F13A1: variants seen among roughly 807,000 people sequenced by gnomAD.
F13A1 encodes FSF, A subunit.
F13A1 carries 47 observed loss-of-function variants against 80.1 expected under a neutral mutation model. The observed-to-expected ratio is 0.59, with a 90% CI of 0.46 to 0.75. The LOEUF (loss-of-function observed/expected upper bound fraction) is 0.75, where lower values mean the gene tolerates loss of function less well. Among genes scored for constraint, F13A1 ranks in the 30% least tolerant of loss-of-function variants. F13A1 has a pLI of 0.00. For missense variants in F13A1, 817 were observed against 930.4 expected (o/e 0.88, Z 1.59); for synonymous variants, 349 against 344.9 (o/e 1.01, Z -0.13).
intron 10 of F13A1, among the ~76,000 whole-genome samples, chr6:6,194,327 T>C (rs561654767): frequency 1.3e-5 from 2 of 152,268 alleles, no homozygotes; most frequent in African/African-American, 4.8e-5. Context: ...GATGCATCCT[T>C]GGCGTTCTAG....
intron 13 of F13A1, among the ~76,000 whole-genome samples, chr6:6,161,157 C>T (rs981174685): frequency 4.6e-5 from 7 of 152,080 alleles, no homozygotes; most frequent in South Asian, 2.1e-4. Context: ...ATCTCCAAGG[C>T]GGGCCTCCCT....
At chr6:6,247,717 G>A (rs1757573592) in intron 6 of F13A1, among the ~76,000 whole-genome samples, 1 of 152,210 alleles carries the variant, frequency 6.6e-6, no homozygotes, top group Non-Finnish European at 1.5e-5. Flanking sequence ...TCTAGCTGTG[G>A]CTTTGTCACT....
chr6:6,248,479 C>T (rs550616493), intron 5 of F13A1, 60 bp from the exon 6 acceptor site: 19 of 1,348,142 alleles, frequency 1.4e-5, no homozygotes, highest in Middle Eastern at 1.8e-4. Context: ...AAAATATTCT[C>T]TGATGAAAAA....
intron 10 of F13A1, 59 bp from the exon 11 acceptor site, chr6:6,182,200 TTAAC>T (rs1179976209): frequency 6.3e-7 from 1 of 1,591,624 alleles, no homozygotes; most frequent in Non-Finnish European, 8.6e-7. Flanking sequence ...GCCAAAGTCT[TTAAC>T]TGTCCATAGA....
At chr6:6,236,299 A>G (rs1757413015) in intron 6 of F13A1, among the ~76,000 whole-genome samples, 1 of 152,170 alleles carries the variant, frequency 6.6e-6, no homozygotes, top group Non-Finnish European at 1.5e-5. Flanking sequence ...TTTATTGTCA[A>G]CTATATCTCA....
At chr6:6,258,153 TA>T (rs767843004) in intron 4 of F13A1, among the ~76,000 whole-genome samples, 7 of 152,166 alleles carry the variant, frequency 4.6e-5, no homozygotes, top group Non-Finnish European at 8.8e-5. Flanking sequence ...GTTTTAAAAA[TA>T]TAAGTGCTTA....
chr6:6,306,565 ATCCTAACTCCCTG>A (rs1758515320), intron 2 of F13A1, among the ~76,000 whole-genome samples: 1 of 152,196 alleles, frequency 6.6e-6, no homozygotes, highest in South Asian at 2.1e-4. Context: ...AGTGGGGGTC[ATCCTAACTCCCTG>A]TCCTCACTGT....
chr6:6,256,437 G>A (rs1757704495), intron 4 of F13A1, among the ~76,000 whole-genome samples: 1 of 152,164 alleles, frequency 6.6e-6, no homozygotes, highest in African/African-American at 2.4e-5. Flanking sequence ...ATTGGTGAGT[G>A]TGACACAGCA....
intron 12 of F13A1, among the ~76,000 whole-genome samples, chr6:6,168,514 C>T (rs1419420727): frequency 6.6e-6 from 1 of 152,164 alleles, no homozygotes; most frequent in African/African-American, 2.4e-5. Context: ...GAGCCAGATG[C>T]CTGTATGTGC....
chr6:6,300,890 A>T (rs1169856621), intron 3 of F13A1, among the ~76,000 whole-genome samples: 1 of 151,982 alleles, frequency 6.6e-6, no homozygotes, highest in African/African-American at 2.4e-5. Flanking sequence ...ATGTTTAGAC[A>T]TTTAGCTGAT....
At chr6:6,242,214 A>G (rs1158922780) in intron 6 of F13A1, among the ~76,000 whole-genome samples, 1 of 152,196 alleles carries the variant, frequency 6.6e-6, no homozygotes, top group Admixed American at 6.6e-5. Flanking sequence ...TTCATCTTGT[A>G]CTGTGTCCTA....
intron 12 of F13A1, among the ~76,000 whole-genome samples, chr6:6,169,781 T>C (rs1760740360): frequency 6.6e-6 from 1 of 152,212 alleles, no homozygotes; most frequent in Admixed American, 6.5e-5. Context: ...ATAATGTCAA[T>C]GGTGCTGAAA....
intron 4 of F13A1, among the ~76,000 whole-genome samples, chr6:6,256,930 A>G (rs564114336): frequency 6.6e-6 from 1 of 152,322 alleles, no homozygotes; most frequent in South Asian, 2.1e-4. Flanking sequence ...AGAACAGCTA[A>G]CCTACATGGT....
Position 6,281,045 on chromosome 6 carries a change from A to G in F13A1, c.320-14236T>C, listed in dbSNP as rs1029262453. On this transcript the variant is annotated intron_variant, in intron 3 of 14. Coordinates refer to ENST00000264870, the MANE Select transcript of F13A1 (RefSeq NM_000129.4). ...CCCTGGCAGCACCTAGTCATTGAAC[A>G]TCGCATGGCTCCCCATGAAAACGGT... Among the ~76,000 whole-genome samples, 7 of 152,200 alleles carry G rather than the reference A, an allele frequency of 4.6e-5. 1 individual carries two copies.
intron 8 of F13A1, among the ~76,000 whole-genome samples, chr6:6,203,861 A>G (rs11966779): frequency 0.024 from 3,617 of 152,330 alleles, 154 homozygotes; most frequent in African/African-American, 0.082. Flanking sequence ...GTTAGAAAAT[A>G]GATACTTCTT....
At chr6:6,317,714 T>C (rs3024324) in intron 2 of F13A1, among the ~76,000 whole-genome samples, 10,560 of 152,154 alleles carry the variant, frequency 0.069, 479 homozygotes, top group African/African-American at 0.12. Context: ...CAAATAGGTG[T>C]TTATCCCCAG....
intron 3 of F13A1, among the ~76,000 whole-genome samples, chr6:6,297,698 G>A: frequency 6.7e-6 from 1 of 149,072 alleles, no homozygotes; most frequent in Non-Finnish European, 1.5e-5. Context: ...CAAAAAACCA[G>A]CTCCTGGATT....
intron 10 of F13A1, among the ~76,000 whole-genome samples, chr6:6,186,651 T>C (rs1218961527): frequency 2.6e-5 from 4 of 152,186 alleles, no homozygotes; most frequent in African/African-American, 7.2e-5. Context: ...TGAAGTCAGG[T>C]AGTGTGATGC....
rs957963641 is a variant in F13A1 at position 6,179,185 on chromosome 6, G to C, written c.1459+2803C>G. ...AGTGACCCTGGAAGTAACTGAAGGA[G>C]CAAAGAGGGAATGGAATCAAGACAC... On this transcript the variant is annotated intron_variant, in intron 11 of 14. Transcript: ENST00000264870. 3.9e-5 allele frequency among the ~76,000 whole-genome samples: 6 copies of C among 152,248 alleles called. No homozygotes were observed. The East Asian group carries it at 1.2e-3, about 29-fold the overall frequency.
Sources: allele counts gnomAD v4.1 joint callset (sites outside exome capture counted in the v4.1 genomes callset), GRCh38; gene constraint gnomAD v4.1.1; transcripts MANE v1.5; gene names NCBI Gene and HGNC (gene_info 2026-07-23, HGNC 2026-07-21).